GNG12: variants seen among roughly 807,000 people sequenced by gnomAD.
GNG12 encodes the protein guanine nucleotide-binding protein G(I)/G(S)/G(O) subunit gamma-12.
For synonymous variants in GNG12, 28 were observed against 29.7 expected (o/e 0.94, Z 0.19); for missense variants, 69 against 83.8 (o/e 0.82, Z 0.69).
chr1:67,780,609 T>C (rs1646732388), intron 1 of GNG12, among the ~76,000 whole-genome samples: 2 of 152,142 alleles, frequency 1.3e-5, no homozygotes, highest in South Asian at 2.1e-4. Context: ...GCCAAGGCTA[T>C]CAACCCAGGC....
intron 1 of GNG12, among the ~76,000 whole-genome samples, chr1:67,804,715 G>C (rs148756772): frequency 0.017 from 2,540 of 152,002 alleles, 35 homozygotes; most frequent in Non-Finnish European, 0.028. Context: ...AAACCTTCAA[G>C]CAGAAGCCTG....
chr1:67,786,739 T>C (rs755457147), intron 1 of GNG12, among the ~76,000 whole-genome samples: 4 of 151,726 alleles, frequency 2.6e-5, no homozygotes, highest in South Asian at 4.2e-4. Flanking sequence ...CTGGGCAACA[T>C]AGTGAAACCC....
In GNG12 at chr1:67,824,282, G is replaced by A. The variant is rs558121092; in HGVS notation, c.-77+9062C>T. ...CCTAGCACTTTGGGAGGCTGAGGCT[G>A]GCAGATTGCTTGAGTCTAGGAGTTC... On this transcript the variant is annotated intron_variant, in intron 1 of 3. Transcript: ENST00000370982. Among the ~76,000 whole-genome samples the A allele has an allele frequency of 3.0e-4, 45 of 152,168 alleles. No homozygotes were observed. The South Asian group carries it at 9.2e-3, about 31-fold the overall frequency.
intron 1 of GNG12, among the ~76,000 whole-genome samples, chr1:67,779,168 G>A (rs1646723231): frequency 6.6e-6 from 1 of 152,174 alleles, no homozygotes; most frequent in Non-Finnish European, 1.5e-5. Flanking sequence ...CTCAGCAGGG[G>A]TAGGGAGTTA....
At chr1:67,810,009 G>A (rs1646914670) in intron 1 of GNG12, among the ~76,000 whole-genome samples, 2 of 152,084 alleles carry the variant, frequency 1.3e-5, no homozygotes, top group Non-Finnish European at 2.9e-5. Flanking sequence ...AAACTCGAAA[G>A]AAACCAAAAT....
intron 2 of GNG12, among the ~76,000 whole-genome samples, chr1:67,722,048 C>T (rs1245536183): frequency 6.6e-6 from 1 of 152,026 alleles, no homozygotes; most frequent in East Asian, 1.9e-4. Flanking sequence ...TAGCATCTGA[C>T]CCACATTAAG....
intron 1 of GNG12, among the ~76,000 whole-genome samples, chr1:67,788,540 T>C (rs1018046414): frequency 2.6e-5 from 4 of 151,986 alleles, no homozygotes; most frequent in African/African-American, 9.7e-5. Flanking sequence ...AGTGTCTTGC[T>C]ACGTTTTCCA....
chr1:67,829,054 C>T (rs1222322826), intron 1 of GNG12, among the ~76,000 whole-genome samples: 4 of 151,874 alleles, frequency 2.6e-5, no homozygotes, highest in Non-Finnish European at 4.4e-5. Context: ...AACTATTACA[C>T]AAATGAATTA....
At chr1:67,814,741 G>A (rs939672483) in intron 1 of GNG12, among the ~76,000 whole-genome samples, 2 of 152,140 alleles carry the variant, frequency 1.3e-5, no homozygotes, top group African/African-American at 4.8e-5. Flanking sequence ...AAAGCTATTA[G>A]AAAATTAACA....
At chr1:67,792,377 C>T (rs956151031) in intron 1 of GNG12, among the ~76,000 whole-genome samples, 9 of 152,192 alleles carry the variant, frequency 5.9e-5, no homozygotes, top group African/African-American at 1.2e-4. Flanking sequence ...TTCTGATGTT[C>T]GTATTATAAA....
At chr1:67,788,516 T>G (rs986602400) in intron 1 of GNG12, among the ~76,000 whole-genome samples, 4 of 152,006 alleles carry the variant, frequency 2.6e-5, no homozygotes, top group African/African-American at 9.7e-5. Context: ...GTATTTTTTT[T>G]TTTTTAAGGA....
intron 1 of GNG12, among the ~76,000 whole-genome samples, chr1:67,788,386 A>AT (rs1646781856): frequency 6.6e-6 from 1 of 152,122 alleles, no homozygotes; most frequent in Non-Finnish European, 1.5e-5. Flanking sequence ...AGGCTGGAGT[A>AT]TAGTGGTGCG....
intron 2 of GNG12, among the ~76,000 whole-genome samples, chr1:67,721,331 G>A (rs1056810502): frequency 1.1e-4 from 16 of 152,276 alleles, no homozygotes; most frequent in East Asian, 9.6e-4. Context: ...CTACAGCTAT[G>A]GTTCTAAACG....
intron 1 of GNG12, among the ~76,000 whole-genome samples, chr1:67,812,954 C>T (rs1295246947): frequency 1.3e-5 from 2 of 152,296 alleles, no homozygotes; most frequent in East Asian, 3.9e-4. Context: ...AATCCTGGAG[C>T]TGCCACCAAT....
At chr1:67,730,666 T>C (rs1046282163) in intron 2 of GNG12, among the ~76,000 whole-genome samples, 30 of 152,334 alleles carry the variant, frequency 2.0e-4, no homozygotes, top group African/African-American at 6.7e-4. Flanking sequence ...CAAAGCAGCT[T>C]CTAAGTGCTG....
At chr1:67,722,327 T>C (rs1028208043) in intron 2 of GNG12, among the ~76,000 whole-genome samples, 1 of 151,656 alleles carries the variant, frequency 6.6e-6, no homozygotes, top group African/African-American at 2.4e-5. Context: ...CAGAGAAGAG[T>C]GTGTACAGCT....
At chr1:67,775,043 C>T (rs1646697077) in intron 2 of GNG12, among the ~76,000 whole-genome samples, 1 of 152,202 alleles carries the variant, frequency 6.6e-6, no homozygotes, top group Non-Finnish European at 1.5e-5. Flanking sequence ...CCCACCACTA[C>T]CATTTGATCA....
intron 2 of GNG12, among the ~76,000 whole-genome samples, chr1:67,740,908 C>A (rs1391977868): frequency 1.3e-5 from 2 of 152,128 alleles, no homozygotes; most frequent in African/African-American, 4.8e-5. Flanking sequence ...TATAAGCCAT[C>A]CAATTTATGG....
chr1:67,813,960 T>C (rs1646940177), intron 1 of GNG12, among the ~76,000 whole-genome samples: 1 of 152,150 alleles, frequency 6.6e-6, no homozygotes, highest in South Asian at 2.1e-4. Context: ...TATATGTAAT[T>C]AAAACTTATG....
Sources: allele counts gnomAD v4.1 joint callset (sites outside exome capture counted in the v4.1 genomes callset), GRCh38; gene constraint gnomAD v4.1.1; transcripts MANE v1.5; gene names NCBI Gene and HGNC (gene_info 2026-07-23, HGNC 2026-07-21).